Variants in PATJ observed in about 807,000 individuals in gnomAD.
PATJ encodes the protein inaD-like protein.
In PATJ, 190 loss-of-function variants were observed where a neutral mutation model predicts 224.9. The ratio of observed to expected loss-of-function variants is 0.84; its 90% CI spans 0.75 to 0.95. The LOEUF (loss-of-function observed/expected upper bound fraction) is 0.95. Among genes scored for constraint, PATJ ranks in the 40% least tolerant of loss-of-function variants. The pLI is 0.00. For missense variants in PATJ, 2,121 were observed against 2,270.3 expected, an observed-to-expected ratio of 0.93 and a Z score of 1.34; for synonymous variants, 769 against 820.3, an observed-to-expected ratio of 0.94 and a Z score of 1.07.
intron 1 of PATJ, among the ~76,000 whole-genome samples, chr1:61,755,321 A>C (rs954159268): frequency 6.6e-6 from 1 of 151,598 alleles, no homozygotes; most frequent in African/African-American, 2.4e-5. Flanking sequence ...AAAAAAAAAA[A>C]AAGAGTTTAG....
rs760341540 is a variant in PATJ at position 61,984,161 on chromosome 1, A to ATT, written c.3671-6006_3671-6005dup. On this transcript the variant is annotated intron_variant, in intron 27 of 43. Transcript: ENST00000642238. ...TGAAATACGCTCAATTATTATTATT[A>ATT]TTATTTTTTTTTTTTTTGAGGCAGA... 3.4e-3 allele frequency among the ~76,000 whole-genome samples: 436 copies of ATT among 129,662 alleles called. 7 individuals are homozygous for ATT. Among genetic ancestry groups the ATT allele is most frequent in the South Asian group, 0.015 (58 of 3,954 alleles). The allele number at this position is 129,662 out of a possible 152,430, so 85.1% of individuals were successfully genotyped here.
At chr1:62,113,497 A>C (rs1224573906) in intron 34 of PATJ, among the ~76,000 whole-genome samples, 2 of 152,184 alleles carry the variant, frequency 1.3e-5, no homozygotes, top group Non-Finnish European at 2.9e-5. Flanking sequence ...TTAGCTAGAC[A>C]TGGTGGCACA....
intron 7 of PATJ, among the ~76,000 whole-genome samples, chr1:61,779,916 G>T (rs1405193339): frequency 6.6e-6 from 1 of 151,854 alleles, no homozygotes; most frequent in Non-Finnish European, 1.5e-5. Flanking sequence ...TGGGTGGGGG[G>T]CAACTCTCTT....
At chr1:61,970,297 A>T (rs11810796) in intron 27 of PATJ, among the ~76,000 whole-genome samples, 3 of 151,634 alleles carry the variant, frequency 2.0e-5, no homozygotes, top group African/African-American at 4.8e-5. Context: ...TACCTCCCCC[A>T]CCGACACACG....
At chr1:62,055,430 C>T (rs926158940) in intron 31 of PATJ, among the ~76,000 whole-genome samples, 3 of 152,208 alleles carry the variant, frequency 2.0e-5, no homozygotes, top group African/African-American at 7.2e-5. Context: ...AGCTAGACTA[C>T]TTGGGTTCAA....
intron 17 of PATJ, among the ~76,000 whole-genome samples, chr1:61,853,225 C>G (rs1008754971): frequency 2.6e-5 from 4 of 152,130 alleles, no homozygotes; most frequent in Non-Finnish European, 5.9e-5. Context: ...ATTCACCTTT[C>G]AAGGGTAGAA....
Position 61,762,880 on chromosome 1 carries a change from A to C in PATJ, c.-13A>C, listed in dbSNP as rs1296493192. The C allele has an allele frequency of 6.6e-7, 1 of 1,517,442 alleles. No individual in the cohort carries two copies. Among genetic ancestry groups the C allele is most frequent in the African/African-American group, 1.4e-5 (1 of 72,212 alleles). 94.0% of individuals were successfully genotyped at this position (1,517,442 alleles called of 1,614,324 possible). On this transcript the variant is annotated 5_prime_UTR_variant, in exon 2 of 44. Transcript: ENST00000642238. ...TAGGTGTCTTTAAGAGTGATTGAAGAGAATAATTCAAAATGCCTGAAAATC... is the reference window on the plus strand; with the variant it reads ...TAGGTGTCTTTAAGAGTGATTGAAGCGAATAATTCAAAATGCCTGAAAATC...
chr1:61,982,327 G>A (rs1181497654), intron 27 of PATJ, among the ~76,000 whole-genome samples: 2 of 151,946 alleles, frequency 1.3e-5, no homozygotes, highest in African/African-American at 2.4e-5. Context: ...ATAGGCCTGG[G>A]AACCATTGTT....
intron 27 of PATJ, among the ~76,000 whole-genome samples, chr1:61,951,400 T>C (rs1206358974): frequency 6.6e-6 from 1 of 152,230 alleles, no homozygotes; most frequent in Non-Finnish European, 1.5e-5. Context: ...TATTCTTGAC[T>C]TTTTAAGTAT....
intron 21 of PATJ, among the ~76,000 whole-genome samples, chr1:61,881,547 G>A (rs1382981211): frequency 2.6e-5 from 4 of 151,864 alleles, no homozygotes; most frequent in Non-Finnish European, 4.4e-5. Context: ...GAGTAGCTGG[G>A]ATTACAGGTG....
At chr1:61,752,311 CTTTTTTT>C (rs370759266) in intron 1 of PATJ, among the ~76,000 whole-genome samples, 1 of 124,018 alleles carries the variant, frequency 8.1e-6, no homozygotes, top group African/African-American at 3.1e-5. Flanking sequence ...TCATTTCTTT[CTTTTTTT>C]TTTTTTTTTT....
At chr1:62,069,977 G>A (rs2148679894) in intron 31 of PATJ, among the ~76,000 whole-genome samples, 1 of 152,334 alleles carries the variant, frequency 6.6e-6, no homozygotes, top group East Asian at 1.9e-4. Context: ...TTATTCCAGT[G>A]CCATTTCTTT....
At chr1:61,953,102 C>G (rs1679955232) in intron 27 of PATJ, among the ~76,000 whole-genome samples, 1 of 152,178 alleles carries the variant, frequency 6.6e-6, no homozygotes, top group South Asian at 2.1e-4. Context: ...TTCTTGCAAT[C>G]ATTGCTACAT....
chr1:61,821,360 C>T (rs187042040), intron 14 of PATJ, among the ~76,000 whole-genome samples: 3 of 152,198 alleles, frequency 2.0e-5, no homozygotes, highest in Admixed American at 2.0e-4. Flanking sequence ...ACTATCTTAG[C>T]CTTTCATTTA....
chr1:61,756,619 C>G (rs956926746), intron 1 of PATJ, among the ~76,000 whole-genome samples: 1 of 117,214 alleles, frequency 8.5e-6, no homozygotes, highest in African/African-American at 3.3e-5. Context: ...GTTTCTGTTG[C>G]CCAGGCTGGA....
At chr1:62,159,555 C>CTT (rs56862738) in intron 43 of PATJ, among the ~76,000 whole-genome samples, 4 of 134,744 alleles carry the variant, frequency 3.0e-5, no homozygotes, top group Non-Finnish European at 3.1e-5. Flanking sequence ...ATTTCGAATA[C>CTT]TTTTTTTTTT....
intron 1 of PATJ, among the ~76,000 whole-genome samples, chr1:61,761,127 A>G (rs1336806091): frequency 6.6e-6 from 1 of 151,876 alleles, no homozygotes; most frequent in Non-Finnish European, 1.5e-5. Flanking sequence ...TACAGGTACA[A>G]GCCACCACAC....
intron 32 of PATJ, among the ~76,000 whole-genome samples, chr1:62,082,207 T>C (rs1416333332): frequency 6.6e-6 from 1 of 152,010 alleles, no homozygotes; most frequent in Non-Finnish European, 1.5e-5. Flanking sequence ...TTTTTATGGT[T>C]GTATCACTGA....
intron 41 of PATJ, among the ~76,000 whole-genome samples, chr1:62,129,963 A>C (rs1477656406): frequency 6.6e-6 from 1 of 152,172 alleles, no homozygotes. Context: ...AAATTAGTTT[A>C]TAGGTATAAA....
Sources: allele counts gnomAD v4.1 joint callset (sites outside exome capture counted in the v4.1 genomes callset), GRCh38; gene constraint gnomAD v4.1.1; transcripts MANE v1.5; gene names NCBI Gene and HGNC (gene_info 2026-07-23, HGNC 2026-07-21).